Variants in SPMIP6 observed in about 807,000 individuals in gnomAD.
SPMIP6 encodes the protein sperm microtubule inner protein 6.
At chr9:34,381,242 T>G in the SPMIP6 span, 1 of 1,573,070 alleles carries the variant, frequency 6.4e-7, no homozygotes, top group Non-Finnish European at 8.7e-7. This position sits in a 1 kb window ranked among gnomAD's most constrained non-coding sequence, Gnocchi z 4.4. Context: ...ACGGATAGAT[T>G]CAGGGTTCCA....
chr9:34,380,867 C>A, the SPMIP6 span: 9 of 1,538,056 alleles, frequency 5.9e-6, no homozygotes, highest in African/African-American at 1.4e-5. Context: ...TGGGGTGGAG[C>A]CCGGCTGAGG....
chr9:34,387,130 T>C, the SPMIP6 span, among the ~76,000 whole-genome samples: 1 of 151,744 alleles, frequency 6.6e-6, no homozygotes, highest in Admixed American at 6.6e-5. Context: ...CAGGCTCAAG[T>C]GATCCTCCCG....
chr9:34,382,726 A>G, the SPMIP6 span: 2 of 1,498,812 alleles, frequency 1.3e-6, no homozygotes, highest in Non-Finnish European at 1.9e-6. Context: ...CCCAGTCCCC[A>G]GACGTCTGTG....
chr9:34,380,619 C>G, the SPMIP6 span: 1 of 1,491,790 alleles, frequency 6.7e-7, no homozygotes, highest in South Asian at 1.3e-5. Context: ...ACGGGACCTC[C>G]AGAGCATATA....
chr9:34,394,341 G>A, the SPMIP6 span, among the ~76,000 whole-genome samples: 284 of 152,172 alleles, frequency 1.9e-3, no homozygotes, highest in Non-Finnish European at 3.1e-3. Flanking sequence ...ATTTTTAGTA[G>A]AGATGGGGTT....
the SPMIP6 span, chr9:34,381,302 G>A: frequency 1.9e-6 from 3 of 1,595,604 alleles, no homozygotes; most frequent in South Asian, 3.3e-5. The surrounding 1 kb of genome is among the most constrained non-coding windows in gnomAD (Gnocchi z 4.4). Flanking sequence ...TACCCATCCC[G>A]CCCTCCTCCC....
the SPMIP6 span, among the ~76,000 whole-genome samples, chr9:34,392,580 TA>T: frequency 6.6e-6 from 1 of 152,104 alleles, no homozygotes; most frequent in African/African-American, 2.4e-5. The surrounding 1 kb of genome is among the most constrained non-coding windows in gnomAD (Gnocchi z 4.6). Flanking sequence ...CTTTTAGTGA[TA>T]TAGCATAAGG....
At chr9:34,397,418 A>G in the SPMIP6 span, 3 of 1,457,568 alleles carry the variant, frequency 2.1e-6, no homozygotes, top group Admixed American at 5.0e-5. Flanking sequence ...CAAAGCTACA[A>G]ATCATTACAA....
At chr9:34,379,720 G>A in the SPMIP6 span, 1 of 1,614,022 alleles carries the variant, frequency 6.2e-7, no homozygotes, top group Non-Finnish European at 8.5e-7. This position sits in a 1 kb window ranked among gnomAD's most constrained non-coding sequence, Gnocchi z 4.2. Context: ...GGTGCTCGTA[G>A]GGAGGTACAC....
chr9:34,395,985 G>A, the SPMIP6 span, among the ~76,000 whole-genome samples: 4 of 152,158 alleles, frequency 2.6e-5, no homozygotes, highest in South Asian at 2.1e-4. Flanking sequence ...TTAAAAATGT[G>A]TATATCTTTT....
the SPMIP6 span, chr9:34,385,580 G>C: frequency 7.8e-7 from 1 of 1,280,226 alleles, no homozygotes; most frequent in Non-Finnish European, 1.1e-6. Context: ...TCACGATCCA[G>C]GTGGTTGGGT....
chr9:34,391,362 G>T, the SPMIP6 span, among the ~76,000 whole-genome samples: 1 of 152,072 alleles, frequency 6.6e-6, no homozygotes, highest in Non-Finnish European at 1.5e-5. Flanking sequence ...ACTTTTGCCT[G>T]TTCATCTTGT....
chr9:34,388,926 C>T, the SPMIP6 span, among the ~76,000 whole-genome samples: 6 of 107,296 alleles, frequency 5.6e-5, no homozygotes, highest in Non-Finnish European at 9.4e-5. Context: ...TCTTTCCTCT[C>T]TCTTTCTTTT....
chr9:34,379,773 T>G, the SPMIP6 span: 2 of 1,514,542 alleles, frequency 1.3e-6, no homozygotes, highest in South Asian at 2.3e-5. The surrounding 1 kb of genome is among the most constrained non-coding windows in gnomAD (Gnocchi z 4.2). Flanking sequence ...GGGTTGGGCC[T>G]TTTGACTCTC....
the SPMIP6 span, among the ~76,000 whole-genome samples, chr9:34,395,869 C>T: frequency 1.3e-5 from 2 of 152,156 alleles, no homozygotes; most frequent in Non-Finnish European, 2.9e-5. Flanking sequence ...TTTTAAAATT[C>T]CCTTCTATTG....
chr9:34,380,757 A>C, the SPMIP6 span: 3 of 1,541,942 alleles, frequency 1.9e-6, no homozygotes, highest in Non-Finnish European at 2.6e-6. Context: ...GGGACACGGC[A>C]GGGCCTCGAG....
chr9:34,380,931 G>A, the SPMIP6 span: 7 of 1,597,808 alleles, frequency 4.4e-6, no homozygotes, highest in African/African-American at 8.0e-5. Context: ...CAAGGCCGCA[G>A]GCGGCGGTCG....
chr9:34,397,462 A>T, the SPMIP6 span: 3 of 1,610,458 alleles, frequency 1.9e-6, no homozygotes. Context: ...CTGGCCATAC[A>T]CTCTGGCCTG....
chr9:34,390,096 G>A, the SPMIP6 span: 2 of 151,884 alleles, frequency 1.3e-5, no homozygotes, highest in Non-Finnish European at 2.9e-5. Context: ...TGCAAATAAT[G>A]ACAGTTTTGT....
Sources: gnomAD v4.1 joint callset for allele counts (sites outside exome capture counted in the v4.1 genomes callset) on GRCh38, gnomAD v4.1.1 for gene constraint, Gnocchi (gnomAD v3.1) non-coding constraint, MANE v1.5 for transcripts, NCBI Gene and HGNC (gene_info 2026-07-23, HGNC 2026-07-21) for gene names.